Variants in PLD1 observed in about 807,000 individuals in gnomAD.
PLD1 encodes the protein choline phosphatase 1.
PLD1 carries 112 observed loss-of-function variants against 137.1 expected under a neutral mutation model. The ratio of observed to expected loss-of-function variants is 0.82; its 90% CI spans 0.70 to 0.96. PLD1 has a LOEUF of 0.96. Among genes scored for constraint, PLD1 ranks in the 40% least tolerant of loss-of-function variants. The probability of loss-of-function intolerance (pLI) is 0.00; values close to 1 mark genes in which losing one functional copy is unlikely to be tolerated. For missense variants in PLD1, 1,321 were observed against 1,342.0 expected (o/e 0.98, Z 0.24); for synonymous variants, 431 against 454.7 (o/e 0.95, Z 0.66).
At chr3:171,786,397 C>T (rs1723012933) in intron 1 of PLD1, among the ~76,000 whole-genome samples, 1 of 152,122 alleles carries the variant, frequency 6.6e-6, no homozygotes, top group Non-Finnish European at 1.5e-5. Flanking sequence ...AGCAGCCACC[C>T]TCAAGTCCAT....
At chr3:171,640,629 T>C (rs760011761) in intron 23 of PLD1, among the ~76,000 whole-genome samples, 7 of 152,248 alleles carry the variant, frequency 4.6e-5, no homozygotes, top group Non-Finnish European at 1.0e-4. Context: ...TGCTCAGGCA[T>C]GCAGTTTATA....
chr3:171,650,452 G>A (rs938555721), intron 21 of PLD1, among the ~76,000 whole-genome samples: 7 of 152,216 alleles, frequency 4.6e-5, no homozygotes, highest in African/African-American at 1.4e-4. Context: ...TGCCAGAACA[G>A]GCCGGAGGGA....
chr3:171,636,208 G>A (rs774266022), intron 23 of PLD1, among the ~76,000 whole-genome samples: 1 of 151,768 alleles, frequency 6.6e-6, no homozygotes, highest in African/African-American at 2.4e-5. Context: ...TTGAAATCAC[G>A]TATGTGACAC....
At chr3:171,751,795 T>C (rs1242428398) in intron 1 of PLD1, among the ~76,000 whole-genome samples, 1 of 152,026 alleles carries the variant, frequency 6.6e-6, no homozygotes, top group Non-Finnish European at 1.5e-5. Flanking sequence ...GGTCAGGAGA[T>C]CGAGACCATC....
chr3:171,656,156 T>TTTTTTTTATTTATTTATTTATTTATTTA lies in PLD1; in HGVS notation c.2429+3056_2429+3057insTAAATAAATAAATAAATAAATAAAAAAA, dbSNP rs1553810398. On this transcript the variant is annotated intron_variant, in intron 21 of 26. Transcript: ENST00000351298. ...TTCTTGTAGCCCTAAAATACTATAA[T>TTTTTTTTATTTATTTATTTATTTATTTA]TTTATTTATTTATTTATTTATTTAT... 8.5e-4 allele frequency among the ~76,000 whole-genome samples: 124 copies of TTTTTTTTATTTATTTATTTATTTATTTA among 145,424 alleles called. 1 individual carries two copies. The highest frequency in any genetic ancestry group is 1.2e-3 in the Non-Finnish European group (79 of 66,680).
intron 8 of PLD1, chr3:171,721,220 T>C (rs1422192761): frequency 5.3e-5 from 8 of 152,170 alleles, no homozygotes; most frequent in Admixed American, 1.3e-4. Flanking sequence ...TTAGGTTGGG[T>C]TGTCCCAGAA....
Position 171,662,113 on chromosome 3 carries a change from G to A in PLD1, c.2287C>T (p.His763Tyr). Reference sequence around the variant, plus strand: ...TCTATCACATGGACGTAAGCGGCGTGGATGGACTCTTCATGGTACTTTATA... The same window carrying A: ...TCTATCACATGGACGTAAGCGGCGTAGATGGACTCTTCATGGTACTTTATA... ...AGIKYHEESI[H>Y]AAYVHVIENS... Residue 763 changes from histidine to tyrosine, a missense_variant, in exon 20 of 27, where the codon CAC (histidine) becomes TAC (tyrosine). By Grantham distance (83) the His-to-Tyr change is moderately conservative (BLOSUM62 2). Transcript: ENST00000351298. 6.2e-7 allele frequency: 1 copy of A among 1,613,584 alleles called. No homozygotes were observed.
rs1045958302 is a variant in PLD1 at position 171,715,583 on chromosome 3, A to G, written c.759-1538T>C. On this transcript the variant is annotated intron_variant, in intron 8 of 26. Coordinates refer to ENST00000351298, the MANE Select transcript of PLD1 (RefSeq NM_002662.5). The stretch of plus-strand genomic sequence containing the variant: ...ATAGTATGGTCATTTTAACAGTATT[A>G]ATTCTTCTGATCCTCTTCAGTTTTT... Among the ~76,000 whole-genome samples, 3 of 151,876 alleles carry G rather than the reference A, an allele frequency of 2.0e-5. No homozygotes were observed. The South Asian group carries it at 6.2e-4, about 32-fold the overall frequency.
intron 12 of PLD1, among the ~76,000 whole-genome samples, chr3:171,697,763 C>CT (rs1426486041): frequency 2.6e-5 from 4 of 152,170 alleles, no homozygotes; most frequent in African/African-American, 9.7e-5. Flanking sequence ...AGCTCCCCAA[C>CT]TGGACCTTTT....
chr3:171,605,502 A>ATT, intron 25 of PLD1, 86 bp from the exon 26 acceptor site: 5 of 765,568 alleles, frequency 6.5e-6, no homozygotes, highest in Non-Finnish European at 1.2e-5. Context: ...ATCTCTATAT[A>ATT]TGCAAATATA....
At chr3:171,798,222 C>A (rs6765223) in intron 1 of PLD1, among the ~76,000 whole-genome samples, 1 of 152,220 alleles carries the variant, frequency 6.6e-6, no homozygotes, top group African/African-American at 2.4e-5. Context: ...GAATTACAAT[C>A]ACTTACACAT....
At chr3:171,745,635 C>T (rs1041512276) in intron 1 of PLD1, among the ~76,000 whole-genome samples, 2 of 152,232 alleles carry the variant, frequency 1.3e-5, no homozygotes, top group East Asian at 3.8e-4. Context: ...GCACCAGGGA[C>T]GTGTTCTCTT....
At chr3:171,685,991 C>G (rs1358292410) in intron 16 of PLD1, among the ~76,000 whole-genome samples, 1 of 151,960 alleles carries the variant, frequency 6.6e-6, no homozygotes, top group Non-Finnish European at 1.5e-5. Context: ...CGGTCATGCA[C>G]GCCTATAATC....
At chr3:171,610,998 C>T (rs1732604081) in intron 25 of PLD1, among the ~76,000 whole-genome samples, 1 of 152,186 alleles carries the variant, frequency 6.6e-6, no homozygotes, top group Admixed American at 6.5e-5. Flanking sequence ...TGGCCTCTGC[C>T]TTTGCCGGGA....
intron 1 of PLD1, among the ~76,000 whole-genome samples, chr3:171,797,003 C>G (rs1490456827): frequency 1.3e-5 from 2 of 152,160 alleles, no homozygotes; most frequent in Non-Finnish European, 2.9e-5. Flanking sequence ...TGCTGCCAAA[C>G]TCCAAAAACC....
intron 1 of PLD1, among the ~76,000 whole-genome samples, chr3:171,753,648 A>G (rs1262235768): frequency 6.6e-6 from 1 of 152,082 alleles, no homozygotes; most frequent in Non-Finnish European, 1.5e-5. Context: ...CTTTCCCACC[A>G]AAACATTGGA....
chr3:171,688,541 T>G, intron 14 of PLD1, 135 bp downstream of exon 14: 1 of 719,998 alleles, frequency 1.4e-6, no homozygotes, highest in Non-Finnish European at 2.4e-6. Context: ...TGTCTCATGA[T>G]TGACTTAAAA....
intron 1 of PLD1, among the ~76,000 whole-genome samples, chr3:171,802,428 C>T (rs774175771): frequency 6.6e-6 from 1 of 152,124 alleles, no homozygotes; most frequent in Admixed American, 6.5e-5. Context: ...AAGGAGATAA[C>T]ATTTGACCAT....
In PLD1 at chr3:171,602,027, T is replaced by C. The variant is rs1340203596; in HGVS notation, c.*1051A>G. Reference sequence around the variant, plus strand: ...AAAGAAGATAATGTAGCAGAAGACCTGAATGTCAAACAAGGTTAGACTCAT... The same window carrying C: ...AAAGAAGATAATGTAGCAGAAGACCCGAATGTCAAACAAGGTTAGACTCAT... On this transcript the variant is annotated 3_prime_UTR_variant, in exon 27 of 27. Coordinates refer to ENST00000351298, the MANE Select transcript of PLD1 (RefSeq NM_002662.5). 2 of 152,216 alleles carry C rather than the reference T, an allele frequency of 1.3e-5. No homozygotes were observed. The highest frequency in any genetic ancestry group is 2.9e-5 in the Non-Finnish European group (2 of 68,038). 9.4% of individuals were successfully genotyped at this position (152,216 alleles called of 1,614,324 possible). A position where few individuals can be genotyped will look rare whatever the true frequency, so the allele number is the denominator to read the frequency against.
Sources: allele counts gnomAD v4.1 joint callset (sites outside exome capture counted in the v4.1 genomes callset), GRCh38; gene constraint gnomAD v4.1.1; transcripts MANE v1.5; gene names NCBI Gene and HGNC (gene_info 2026-07-23, HGNC 2026-07-21).